PRRC2B: variants seen among roughly 807,000 people sequenced by gnomAD.
The protein encoded by PRRC2B is protein PRRC2B.
PRRC2B carries 68 observed loss-of-function variants against 242.3 expected under a neutral mutation model. The ratio of observed to expected loss-of-function variants is 0.28; its 90% confidence interval spans 0.23 to 0.34. The LOEUF (loss-of-function observed/expected upper bound fraction) is 0.34. Among genes scored for constraint, PRRC2B ranks in the 10% least tolerant of loss-of-function variants. The pLI is 1.00. For synonymous variants in PRRC2B, 1,228 were observed against 1,173.6 expected (o/e 1.05, Z -0.95); for missense variants, 2,835 against 2,954.8 (o/e 0.96, Z 0.94).
intron 1 of PRRC2B, among the ~76,000 whole-genome samples, chr9:131,420,882 T>A (rs913546386): frequency 3.0e-4 from 46 of 151,972 alleles, no homozygotes; most frequent in African/African-American, 1.1e-3. Context: ...AGCAGAAGTG[T>A]CCCCTCAAAC....
chr9:131,430,151 G>C lies in PRRC2B; in HGVS notation c.7G>C (p.Asp3His). 1.9e-6 allele frequency: 3 copies of C among 1,599,278 alleles called. No individual in the cohort carries two copies. Among genetic ancestry groups the C allele is most frequent in the African/African-American group, 1.3e-5 (1 of 74,082 alleles). MS[D>H]RLGQITKGKD... Reference sequence around the variant, plus strand: ...TAGATGACATTTCATCGCAATGTCCGATCGTTTGGGGCAAATTACCAAGGG... The same window carrying C: ...TAGATGACATTTCATCGCAATGTCCCATCGTTTGGGGCAAATTACCAAGGG... Residue 3 changes from aspartate to histidine, a missense_variant, in exon 2 of 32, where the codon GAT becomes CAT. By Grantham distance (81) the Asp-to-His change is moderately conservative (BLOSUM62 -1). This residue lies in a region of PRRC2B where 626 missense variants were observed against 685.5 expected (regional missense o/e 0.91). Coordinates refer to ENST00000683519, the MANE Select transcript of PRRC2B (RefSeq NM_013318.4).
chr9:131,449,350 T>G (rs1942841109), intron 9 of PRRC2B, among the ~76,000 whole-genome samples: 1 of 151,636 alleles, frequency 6.6e-6, no homozygotes, highest in Admixed American at 6.6e-5. Flanking sequence ...GGATCTTACA[T>G]TTTGGTGTTC....
chr9:131,472,072 A>G (rs1043771865), intron 14 of PRRC2B, among the ~76,000 whole-genome samples: 6 of 152,182 alleles, frequency 3.9e-5, no homozygotes, highest in Non-Finnish European at 4.4e-5. Context: ...CTTTGTTGTC[A>G]TTAATAGTGC....
At chr9:131,460,923 C>T (rs528148050) in intron 11 of PRRC2B, among the ~76,000 whole-genome samples, 2 of 152,270 alleles carry the variant, frequency 1.3e-5, no homozygotes, top group East Asian at 3.9e-4. Flanking sequence ...TGCTTCCGGG[C>T]CTCCTCAGCG....
Position 131,487,357 on chromosome 9 carries a change from A to C in PRRC2B, c.5984+63A>C. 1.4e-6 allele frequency: 2 copies of C among 1,393,496 alleles called. No homozygotes were observed. Among genetic ancestry groups the C allele is most frequent in the Admixed American group, 4.8e-5 (2 of 41,262 alleles). The allele number at this position is 1,393,496 out of a possible 1,614,324, so 86.3% of individuals were successfully genotyped here. A position where few individuals can be genotyped will look rare whatever the true frequency, so the allele number is the denominator to read the frequency against. On this transcript the variant is annotated intron_variant, in intron 27 of 31. Coordinates refer to ENST00000683519, the MANE Select transcript of PRRC2B (RefSeq NM_013318.4). The surrounding 1 kb of genome is among the most constrained non-coding windows in gnomAD (Gnocchi z 5.3). The stretch of plus-strand genomic sequence containing the variant: ...CAGCCAGGGCCTTGGCCCTGTGTGC[A>C]GCCTTCGTCCTGCAGCTGTTTGGTG...
At chr9:131,477,387 T>TA (rs1281943790) in intron 16 of PRRC2B, among the ~76,000 whole-genome samples, 1 of 152,244 alleles carries the variant, frequency 6.6e-6, no homozygotes, top group Admixed American at 6.5e-5. Flanking sequence ...CTCAGTTTTC[T>TA]GCCCCAAGGG....
At chr9:131,375,141 G>T (rs199902874) in intron 1 of PRRC2B, among the ~76,000 whole-genome samples, 4 of 152,138 alleles carry the variant, frequency 2.6e-5, no homozygotes, top group Admixed American at 2.0e-4. Flanking sequence ...TGTGGCTCAC[G>T]CCTGTAATCC....
chr9:131,436,001 C>T (rs1402529652), intron 3 of PRRC2B, among the ~76,000 whole-genome samples: 8 of 152,166 alleles, frequency 5.3e-5, no homozygotes. Flanking sequence ...TTACTATGAG[C>T]ATGTATTTCT....
At chr9:131,425,877 T>C (rs1474410615) in intron 1 of PRRC2B, among the ~76,000 whole-genome samples, 1 of 151,326 alleles carries the variant, frequency 6.6e-6, no homozygotes, top group Non-Finnish European at 1.5e-5. Context: ...GGCATGGTGG[T>C]TCACGCCTGT....
At chr9:131,493,389 C>T (rs1055888579) in intron 30 of PRRC2B, among the ~76,000 whole-genome samples, 21 of 152,198 alleles carry the variant, frequency 1.4e-4, no homozygotes, top group Admixed American at 9.2e-4. Context: ...GACCATGGAG[C>T]GGAACTGGAA....
Position 131,467,629 on chromosome 9 carries a change from C to T in PRRC2B, c.1787C>T (p.Pro596Leu), listed in dbSNP as rs909962371. The T allele has an allele frequency of 1.2e-6, 2 of 1,613,702 alleles. No individual in the cohort carries two copies. The highest frequency in any genetic ancestry group is 2.7e-5 in the African/African-American group (2 of 74,896). Residue 596 changes from proline to leucine, a missense_variant, in exon 13 of 32, where the codon CCA (proline) becomes CTA (leucine). Coordinates refer to ENST00000683519, the MANE Select transcript of PRRC2B (RefSeq NM_013318.4). Reference sequence around the variant, plus strand: ...CCAGAAGAGGCACCCACAGTGTCCCCAGCAGTGGCACAGAGCAACAGCAGT... The same window carrying T: ...CCAGAAGAGGCACCCACAGTGTCCCTAGCAGTGGCACAGAGCAACAGCAGT... ...TFPEEAPTVS[P>L]AVAQSNSSEE...
chr9:131,389,147 CA>C (rs1382784511), upstream of PRRC2B, among the ~76,000 whole-genome samples: 2 of 125,680 alleles, frequency 1.6e-5, no homozygotes, highest in Non-Finnish European at 1.7e-5. Flanking sequence ...TGGCTCCTTT[CA>C]ATTTTTTTTT....
At chr9:131,488,286 CAG>C (rs1257332955) in intron 28 of PRRC2B, among the ~76,000 whole-genome samples, 190 bp downstream of exon 28, 4 of 141,372 alleles carry the variant, frequency 2.8e-5, no homozygotes, top group Admixed American at 7.2e-5. Context: ...TTTTTTTGGA[CAG>C]AGTCTCGCTC....
intron 29 of PRRC2B, 140 bp downstream of exon 29, chr9:131,491,720 TG>T: frequency 1.2e-6 from 1 of 819,866 alleles, no homozygotes; most frequent in Non-Finnish European, 1.8e-6. Flanking sequence ...TGACCATGTG[TG>T]GGGCCATCAC....
chr9:131,408,399 G>T (rs577229042), intron 1 of PRRC2B, among the ~76,000 whole-genome samples: 1 of 152,248 alleles, frequency 6.6e-6, no homozygotes, highest in Non-Finnish European at 1.5e-5. Flanking sequence ...GGACATTTCC[G>T]TAGGGAAATG....
rs1564295362 is a variant in PRRC2B at position 131,473,670 on chromosome 9, ACCCGCT to A, written c.2276_2281del (p.Leu759_Pro760del). Reference sequence around the variant, plus strand: ...TACATGGCACTGCAGAGCAAGGGCTACCCGCTCCCGCACCCGAAGTCGAGTGACACC... The same window carrying A: ...TACATGGCACTGCAGAGCAAGGGCTACCCGCACCCGAAGTCGAGTGACACC... On this transcript the variant is annotated inframe_deletion, in exon 15 of 32. Transcript: ENST00000683519. 1.2e-6 allele frequency: 2 copies of A among 1,613,780 alleles called. No individual in the cohort carries two copies. The highest frequency in any genetic ancestry group is 1.7e-6 in the Non-Finnish European group (2 of 1,179,854).
At position 131,474,492 on chromosome 9, in the gene PRRC2B, G is replaced by T. The variant is rs1328140810; in HGVS notation, c.2363G>T (p.Gly788Val). The T allele has an allele frequency of 1.9e-6, 3 of 1,613,470 alleles. No homozygotes were observed. The highest frequency in any genetic ancestry group is 1.7e-4 in the Middle Eastern group (1 of 6,028). The change falls in exon 16 of 32, where the codon GGG becomes GTG. Residue 788 changes from glycine (G) to valine (V), a missense_variant. Transcript: ENST00000683519. The stretch of plus-strand genomic sequence containing the variant: ...TTCTCTGCCTCACTCGGAAGGGCAG[G>T]GGGCGTAAGTGCTCAGCGCGATCTC... The part of the protein sequence containing the change: ...SSFSASLGRA[G>V]GVSAQRDLFE...
At position 131,482,469 on chromosome 9, in the gene PRRC2B, G is replaced by T; in HGVS notation, c.5082G>T (p.Gly1694=). The T allele has an allele frequency of 6.2e-7, 1 of 1,612,142 alleles. No homozygotes were observed. Among genetic ancestry groups the T allele is most frequent in the East Asian group, 2.2e-5 (1 of 44,830 alleles). ...CCTCGCAGCGCAGCTCCCCATATGG[G>T]ACTCTGAAGCCAGAGGAGATGAGCG... ...ATSSQRSSPY[G]TLKPEEMSGP... Residue 1694 remains glycine, a synonymous_variant, in exon 21 of 32, where the codon GGG becomes GGT. Coordinates refer to ENST00000683519, the MANE Select transcript of PRRC2B (RefSeq NM_013318.4). The surrounding 1 kb of genome is among the most constrained non-coding windows in gnomAD (Gnocchi z 5.2).
chr9:131,492,126 C>T (rs747864088), intron 29 of PRRC2B, 43 bp from the exon 30 acceptor site: 1 of 1,491,526 alleles, frequency 6.7e-7, no homozygotes, highest in Non-Finnish European at 9.4e-7. Context: ...CCAGCTGTCT[C>T]CAGGGCCTCA....
Sources: allele counts gnomAD v4.1 joint callset (sites outside exome capture counted in the v4.1 genomes callset), GRCh38; gene constraint gnomAD v4.1.1; regional missense constraint gnomAD v4.1.1; non-coding constraint Gnocchi (gnomAD v3.1); transcripts MANE v1.5; gene names NCBI Gene and HGNC (gene_info 2026-07-23, HGNC 2026-07-21).